Variants in KAT14 observed in about 807,000 individuals in gnomAD.
KAT14 encodes cysteine-rich protein 2-binding protein.
In KAT14, 66 loss-of-function variants were observed where a neutral mutation model predicts 78.4. The observed-to-expected ratio is 0.84, with a 90% CI of 0.69 to 1.03. The LOEUF (loss-of-function observed/expected upper bound fraction) is 1.03, where lower values mean the gene tolerates loss of function less well. Ranked by LOEUF, KAT14 falls within the 50% of genes least tolerant of loss-of-function variation. The pLI is 0.00. For synonymous variants in KAT14, 344 were observed against 359.4 expected (o/e 0.96, Z 0.48); for missense variants, 870 against 972.5 (o/e 0.89, Z 1.40).
Position 18,156,034 on chromosome 20 carries a change from T to A in KAT14, c.501-3050T>A, listed in dbSNP as rs373121478. ...GGATAAGCAAAATGTGGCATATACA[T>A]ACAGTGGATATCATTCAGTCTTAAA... On this transcript the variant is annotated intron_variant, in intron 4 of 10. Transcript: ENST00000688188. Among the ~76,000 whole-genome samples the A allele has an allele frequency of 7.9e-5, 12 of 152,300 alleles. 1 individual carries two copies. The highest frequency in any genetic ancestry group is 2.6e-4 in the African/African-American group (11 of 41,560).
rs776815473 is a variant in KAT14, at chr20:18,145,390, TC to T, written c.378+44del. The stretch of plus-strand genomic sequence containing the variant: ...CCTTCCCCAAATCCATGAGGGTGGT[TC>T]CCCCAGGAGTTTGTTGGAACGAATA... On this transcript the variant is annotated intron_variant, in intron 3 of 10. Coordinates refer to ENST00000688188, the MANE Select transcript of KAT14 (RefSeq NM_001392073.1). The T allele has an allele frequency of 3.7e-6, 6 of 1,611,492 alleles. No homozygotes were observed. In the East Asian group the frequency reaches 8.9e-5, roughly 24 times the overall value.
At chr20:18,137,492 G>T (rs1600210012), upstream of KAT14, among the ~76,000 whole-genome samples, 1 of 152,172 alleles carries the variant, frequency 6.6e-6, no homozygotes, top group Admixed American at 6.5e-5. Flanking sequence ...CAATGAGGGG[G>T]CTGCGTTTAG....
At position 18,138,232 on chromosome 20, in the gene KAT14, C is replaced by CTGCAGCTCCCGGCGGGCGTG. The variant is rs1327287572; in HGVS notation, c.-454+188_-454+207dup. 7.2e-6 allele frequency: 9 copies of CTGCAGCTCCCGGCGGGCGTG among 1,250,610 alleles called. No homozygotes were observed. The East Asian group carries it at 2.6e-4, about 36-fold the overall frequency. The allele number at this position is 1,250,610 out of a possible 1,614,324, so 77.5% of individuals were successfully genotyped here. ...CGGCCGCTCTGCTGGGCTCCGGGCG[C>CTGCAGCTCCCGGCGGGCGTG]TGCAGCTCCCGGCGGGCGTGTGCAG... On this transcript the variant is annotated intron_variant, in intron 1 of 10. Coordinates refer to ENST00000688188, the MANE Select transcript of KAT14 (RefSeq NM_001392073.1).
chr20:18,169,969 G>C (rs972139521), intron 7 of KAT14, among the ~76,000 whole-genome samples: 2 of 152,206 alleles, frequency 1.3e-5, no homozygotes, highest in African/African-American at 2.4e-5. Flanking sequence ...ATTCCCTTAA[G>C]CCAAAGCCTA....
At chr20:18,165,385 T>C (rs2038602384) in intron 7 of KAT14, among the ~76,000 whole-genome samples, 1 of 152,270 alleles carries the variant, frequency 6.6e-6, no homozygotes, top group Non-Finnish European at 1.5e-5. Flanking sequence ...CTGGTACCTA[T>C]GAATGCAGCC....
At chr20:18,141,542 G>C (rs2037579958) in intron 1 of KAT14, among the ~76,000 whole-genome samples, 1 of 152,188 alleles carries the variant, frequency 6.6e-6, no homozygotes, top group Non-Finnish European at 1.5e-5. Context: ...GAGTGTTACT[G>C]TAGTAACTCG....
chr20:18,138,645 G>C (rs2037397238), intron 1 of KAT14: 1 of 193,802 alleles, frequency 5.2e-6, no homozygotes, highest in Admixed American at 6.5e-5. Context: ...TAAATGAACA[G>C]TTTGCTATGG....
At chr20:18,163,772 A>G (rs1005682981) in intron 7 of KAT14, among the ~76,000 whole-genome samples, 1 of 152,042 alleles carries the variant, frequency 6.6e-6, no homozygotes, top group Non-Finnish European at 1.5e-5. Flanking sequence ...TGTGCTGGAC[A>G]TGTGGTGTGT....
At chr20:18,182,385 G>C (rs1337737194) in intron 8 of KAT14, among the ~76,000 whole-genome samples, 1 of 152,170 alleles carries the variant, frequency 6.6e-6, no homozygotes, top group Non-Finnish European at 1.5e-5. Context: ...GCCTCCCAAA[G>C]TGCTGGGATT....
intron 7 of KAT14, among the ~76,000 whole-genome samples, chr20:18,169,899 C>T (rs923740996): frequency 2.6e-5 from 4 of 152,126 alleles, no homozygotes; most frequent in Non-Finnish European, 5.9e-5. Context: ...TCGAAGTAGC[C>T]TTATTGCTGA....
chr20:18,153,651 T>G (rs2038125824), intron 4 of KAT14, among the ~76,000 whole-genome samples: 1 of 152,244 alleles, frequency 6.6e-6, no homozygotes, highest in Admixed American at 6.5e-5. Flanking sequence ...CTGAGCCTTA[T>G]TTCTTTTTAA....
At chr20:18,157,558 T>C (rs2038269075) in intron 4 of KAT14, among the ~76,000 whole-genome samples, 1 of 152,284 alleles carries the variant, frequency 6.6e-6, no homozygotes, top group South Asian at 2.1e-4. Context: ...TGGCCAGAAC[T>C]CTTCTCAGCT....
At chr20:18,143,207 C>G in intron 2 of KAT14, 1 of 1,128,346 alleles carries the variant, frequency 8.9e-7, no homozygotes, top group African/African-American at 1.6e-5. Flanking sequence ...ATTTTTCTAA[C>G]AAGGTCACAG....
chr20:18,183,412 T>C, intron 9 of KAT14, 114 bp downstream of exon 9: 1 of 1,392,840 alleles, frequency 7.2e-7, no homozygotes. Flanking sequence ...TTTCGTTTAG[T>C]TTGTCTCTGC....
At chr20:18,187,137 T>C in intron 10 of KAT14, 149 bp from the exon 11 acceptor site, 2 of 931,170 alleles carry the variant, frequency 2.1e-6, no homozygotes, top group Non-Finnish European at 3.1e-6. Context: ...TGTTTCCAGC[T>C]GTTGCTAGGT....
chr20:18,145,910 C>G (rs2037810246), intron 3 of KAT14, among the ~76,000 whole-genome samples: 1 of 152,116 alleles, frequency 6.6e-6, no homozygotes, highest in Admixed American at 6.5e-5. Flanking sequence ...ATTTTCCTGG[C>G]AGCCATTTTA....
rs1222781315 is a variant in KAT14, at chr20:18,142,277, G to A, written c.-384G>A. The A allele has an allele frequency of 6.5e-7, 1 of 1,537,168 alleles. No individual in the cohort carries two copies. Among genetic ancestry groups the A allele is most frequent in the South Asian group, 1.2e-5 (1 of 84,066 alleles). On this transcript the variant is annotated 5_prime_UTR_variant, in exon 2 of 11. Transcript: ENST00000688188. ...GAAAAAAGAAAACATTCGTCTTTTG[G>A]GAGAACAGATTATTTTGACTGAGCA...
rs1309305783 is a variant in KAT14, at chr20:18,162,250, G to T, written c.1099+11G>T. ...AAGCCTTGTTTCATGGTAAGAGTTTGTTTGCTTTGCTCTTTTATTTTGGGT... is the reference window on the plus strand; with the variant it reads ...AAGCCTTGTTTCATGGTAAGAGTTTTTTTGCTTTGCTCTTTTATTTTGGGT... On this transcript the variant is annotated intron_variant, in intron 6 of 10. Coordinates refer to ENST00000688188, the MANE Select transcript of KAT14 (RefSeq NM_001392073.1). 6 of 1,613,450 alleles carry T rather than the reference G, an allele frequency of 3.7e-6. No homozygotes were observed. Among genetic ancestry groups the T allele is most frequent in the Non-Finnish European group, 5.1e-6 (6 of 1,179,724 alleles).
chr20:18,181,364 CTTT>C (rs762890490), intron 7 of KAT14, among the ~76,000 whole-genome samples: 4 of 106,798 alleles, frequency 3.7e-5, no homozygotes, highest in Non-Finnish European at 7.4e-5. Context: ...AATTTTGTTT[CTTT>C]TTTTTTTTTT....
Sources: gnomAD v4.1 joint callset for allele counts (sites outside exome capture counted in the v4.1 genomes callset) on GRCh38, gnomAD v4.1.1 for gene constraint, MANE v1.5 for transcripts, NCBI Gene and HGNC (gene_info 2026-07-23, HGNC 2026-07-21) for gene names.